Variants in C8orf34 observed in about 807,000 individuals in gnomAD.
The protein encoded by C8orf34 is uncharacterized protein C8orf34.
A neutral mutation model predicts 68.3 loss-of-function variants in C8orf34; 65 were observed. That is an observed-to-expected ratio of 0.95 (90% CI 0.78 to 1.17). The LOEUF (loss-of-function observed/expected upper bound fraction) is 1.17. Ranked by LOEUF, C8orf34 falls within the 50% of genes most tolerant of loss-of-function variation. The pLI, the probability that C8orf34 is intolerant of heterozygous loss-of-function variation, is 0.00. For synonymous variants in C8orf34, 244 were observed against 241.2 expected, an observed-to-expected ratio of 1.01 and a Z score of -0.11; for missense variants, 664 against 655.4, an observed-to-expected ratio of 1.01 and a Z score of -0.14.
chr8:68,472,976 A>C lies in C8orf34; in HGVS notation c.736+4156A>C, dbSNP rs557884019. 1.1e-4 allele frequency among the ~76,000 whole-genome samples: 17 copies of C among 152,072 alleles called. No homozygotes were observed. The East Asian group carries it at 2.1e-3, about 19-fold the overall frequency. ...TGCTCTAACTAATGTTAACAAAAAAACCCCCACAAAATCTCTTCCCTTGAG... is the reference window on the plus strand; with the variant it reads ...TGCTCTAACTAATGTTAACAAAAAACCCCCCACAAAATCTCTTCCCTTGAG... On this transcript the variant is annotated intron_variant, in intron 4 of 13. Transcript: ENST00000518698.
chr8:68,617,073 G>A (rs981863726), intron 7 of C8orf34, among the ~76,000 whole-genome samples: 10 of 152,056 alleles, frequency 6.6e-5, no homozygotes, highest in Non-Finnish European at 1.3e-4. Context: ...GATCTTTGTT[G>A]GTTTAAAGTC....
intron 5 of C8orf34, among the ~76,000 whole-genome samples, chr8:68,491,549 G>A (rs1030260013): frequency 2.6e-5 from 4 of 152,026 alleles, no homozygotes; most frequent in Non-Finnish European, 5.9e-5. Context: ...TTTAAAACCA[G>A]CAACATCTCT....
intron 5 of C8orf34, among the ~76,000 whole-genome samples, chr8:68,494,657 C>A (rs553495131): frequency 7.2e-5 from 11 of 152,104 alleles, no homozygotes; most frequent in South Asian, 6.2e-4. Context: ...GAGTTCGAGA[C>A]CAGCTTGGCC....
intron 10 of C8orf34, among the ~76,000 whole-genome samples, chr8:68,763,541 G>A (rs541649528): frequency 2.0e-4 from 31 of 152,128 alleles, no homozygotes; most frequent in Admixed American, 3.3e-4. Context: ...TTTTGAAAAT[G>A]TCTTTCTCTA....
At chr8:68,550,711 T>G (rs1281748453) in intron 7 of C8orf34, among the ~76,000 whole-genome samples, 4 of 151,642 alleles carry the variant, frequency 2.6e-5, no homozygotes, top group Non-Finnish European at 3.0e-5. Flanking sequence ...TTTTTTCTCC[T>G]TCAGTTTTAA....
Position 68,519,500 on chromosome 8 carries a change from A to G in C8orf34, c.766-2299A>G, listed in dbSNP as rs1428145671. 3.3e-5 allele frequency among the ~76,000 whole-genome samples: 5 copies of G among 152,308 alleles called. No individual in the cohort carries two copies. The South Asian group carries it at 6.2e-4, about 19-fold the overall frequency. ...TGAATTGTTTTTGTTATTCTCCAATAAAAGAAGTATAGGAATTGAGATAAT... is the reference window on the plus strand; with the variant it reads ...TGAATTGTTTTTGTTATTCTCCAATGAAAGAAGTATAGGAATTGAGATAAT... On this transcript the variant is annotated intron_variant, in intron 5 of 13. Transcript: ENST00000518698.
At chr8:68,759,482 C>T (rs1453192795) in intron 10 of C8orf34, among the ~76,000 whole-genome samples, 1 of 152,184 alleles carries the variant, frequency 6.6e-6, no homozygotes, top group Non-Finnish European at 1.5e-5. Context: ...TGGTGTGGGA[C>T]TTATATTTCC....
chr8:68,811,541 G>T (rs1824652393), intron 12 of C8orf34, among the ~76,000 whole-genome samples: 1 of 152,166 alleles, frequency 6.6e-6, no homozygotes, highest in Non-Finnish European at 1.5e-5. Flanking sequence ...ACTACAGCTG[G>T]TGTCTTCGCA....
chr8:68,359,751 C>T lies in C8orf34; in HGVS notation c.327+28412C>T, dbSNP rs1806905331. On this transcript the variant is annotated intron_variant, in intron 1 of 13. Coordinates refer to ENST00000518698, the MANE Select transcript of C8orf34 (RefSeq NM_052958.4). ...CAAAGTTTTGCATTATTTCATCCTG[C>T]ACCCTCGGTCTTTGTAGGAATGTAA... 2.6e-5 allele frequency among the ~76,000 whole-genome samples: 4 copies of T among 152,128 alleles called. No homozygotes were observed. The South Asian group carries it at 8.3e-4, about 32-fold the overall frequency.
At chr8:68,339,095 T>C (rs563258005) in intron 1 of C8orf34, among the ~76,000 whole-genome samples, 1 of 152,212 alleles carries the variant, frequency 6.6e-6, no homozygotes, top group South Asian at 2.1e-4. Context: ...TTCTAGATCC[T>C]TTTCATTTTC....
chr8:68,742,332 C>A (rs565964079), intron 10 of C8orf34, among the ~76,000 whole-genome samples: 9 of 152,316 alleles, frequency 5.9e-5, no homozygotes, highest in Admixed American at 2.0e-4. Context: ...TTATTCCAAA[C>A]CTGATCCTAG....
intron 4 of C8orf34, among the ~76,000 whole-genome samples, chr8:68,478,877 T>A (rs977405323): frequency 2.6e-5 from 4 of 152,242 alleles, no homozygotes; most frequent in African/African-American, 9.6e-5. Flanking sequence ...CCTCAACAAG[T>A]GGAAATTACA....
chr8:68,671,662 TAA>T (rs769679434), intron 8 of C8orf34, among the ~76,000 whole-genome samples: 9 of 152,326 alleles, frequency 5.9e-5, no homozygotes, highest in Admixed American at 3.3e-4. Flanking sequence ...GCTAAAAAAT[TAA>T]GTTTTCTTAT....
At position 68,521,901 on chromosome 8, in the gene C8orf34, C is replaced by T. The variant is rs1814772113; in HGVS notation, c.868C>T (p.Gln290Ter). 3 of 1,614,062 alleles carry T rather than the reference C, an allele frequency of 1.9e-6. No homozygotes were observed. Among genetic ancestry groups the T allele is most frequent in the Non-Finnish European group, 1.7e-6 (2 of 1,179,980 alleles). ...DADPLAAEML[Q>*]PPIPRSKNDQ... ...TGATCCCCTAGCTGCTGAAATGCTA[C>T]AGCCTCCAATTCCAAGAAGCAAAAA... The change falls in exon 6 of 14, where the codon CAG becomes TAG. Residue 290 changes from glutamine (Q) to a stop codon, truncating the protein, a stop_gained. Transcript: ENST00000518698. LOFTEE classifies it high-confidence loss of function.
intron 1 of C8orf34, among the ~76,000 whole-genome samples, chr8:68,415,492 GA>G (rs1434828953): frequency 6.7e-6 from 1 of 149,908 alleles, no homozygotes; most frequent in Non-Finnish European, 1.5e-5. Context: ...GGAAAAAAAA[GA>G]AAAAAAAAGT....
At chr8:68,806,389 T>G (rs1019429229) in intron 12 of C8orf34, among the ~76,000 whole-genome samples, 29 of 152,180 alleles carry the variant, frequency 1.9e-4, no homozygotes, top group African/African-American at 5.8e-4. Context: ...ATTTCTCAAT[T>G]TCTCCTTTTA....
intron 7 of C8orf34, among the ~76,000 whole-genome samples, chr8:68,636,586 A>G (rs922433922): frequency 6.6e-6 from 1 of 152,096 alleles, no homozygotes; most frequent in Admixed American, 6.6e-5. Flanking sequence ...CTCTGTCTCA[A>G]TAAAAAATAA....
At chr8:68,627,053 AGT>A (rs35151056) in intron 7 of C8orf34, among the ~76,000 whole-genome samples, 3,421 of 152,242 alleles carry the variant, frequency 0.022, 176 homozygotes, top group East Asian at 0.13. Flanking sequence ...AAGATTTTGC[AGT>A]GTTTTTCATA....
intron 12 of C8orf34, among the ~76,000 whole-genome samples, chr8:68,794,494 T>C (rs1265429166): frequency 2.2e-5 from 2 of 88,914 alleles, no homozygotes; most frequent in African/African-American, 6.9e-5. Flanking sequence ...TATATATATA[T>C]ATATATATAT....
Sources: gnomAD v4.1 joint callset for allele counts (sites outside exome capture counted in the v4.1 genomes callset) on GRCh38, gnomAD v4.1.1 for gene constraint, MANE v1.5 for transcripts, NCBI Gene and HGNC (gene_info 2026-07-23, HGNC 2026-07-21) for gene names.